CYTH4: variants seen among roughly 807,000 people sequenced by gnomAD.
The protein encoded by CYTH4 is cytohesin-4.
In CYTH4, 22 loss-of-function variants were observed where a neutral mutation model predicts 57.5. The ratio of observed to expected loss-of-function variants is 0.38; its 90% CI spans 0.27 to 0.55. The LOEUF (loss-of-function observed/expected upper bound fraction) is 0.55, where lower values mean the gene tolerates loss of function less well. CYTH4 is among the 20% of genes least tolerant of loss of function. CYTH4 has a pLI of 0.74. For synonymous variants in CYTH4, 186 were observed against 206.5 expected, an observed-to-expected ratio of 0.90 and a Z score of 0.85; for missense variants, 420 against 535.6, an observed-to-expected ratio of 0.78 and a Z score of 2.13.
At chr22:37,300,253 AG>A in intron 6 of CYTH4, 1 of 716,790 alleles carries the variant, frequency 1.4e-6, no homozygotes, top group South Asian at 1.5e-5. Context: ...TCTAACTCCC[AG>A]CTCTTTAAGG....
intron 1 of CYTH4, 125 bp downstream of exon 1, chr22:37,282,713 A>C: frequency 1.1e-6 from 1 of 873,920 alleles, no homozygotes; most frequent in Non-Finnish European, 1.7e-6. Flanking sequence ...AGCTGCAAGA[A>C]GCAAACATTT....
intron 4 of CYTH4, chr22:37,296,450 G>T (rs182352709): frequency 9.7e-5 from 21 of 217,530 alleles, no homozygotes; most frequent in Middle Eastern, 1.6e-3. Flanking sequence ...CCAGTCCTGC[G>T]GTCCCACCAC....
At chr22:37,299,355 C>A in intron 6 of CYTH4, 49 bp downstream of exon 6, 1 of 1,540,880 alleles carries the variant, frequency 6.5e-7, no homozygotes, top group Non-Finnish European at 9.0e-7. Context: ...GGCACAGCCC[C>A]AGTGGCTGGG....
In CYTH4 at chr22:37,297,555, C is replaced by A. The variant is rs751456466; in HGVS notation, c.235-9C>A. ...GCAGCTGCTCACGGCTTCTGTGTAC[C>A]CCCTCCAGGGTATCCAGTATTTCAT... On this transcript the variant is annotated splice_polypyrimidine_tract_variant and intron_variant, in intron 4 of 12. Coordinates refer to ENST00000248901, the MANE Select transcript of CYTH4 (RefSeq NM_013385.5). 6 of 1,612,158 alleles carry A rather than the reference C, an allele frequency of 3.7e-6. No individual in the cohort carries two copies. In the Admixed American group the frequency reaches 6.7e-5, roughly 18 times the overall value.
At chr22:37,293,234 C>T (rs1928815620) in intron 2 of CYTH4, among the ~76,000 whole-genome samples, 1 of 152,170 alleles carries the variant, frequency 6.6e-6, no homozygotes, top group Admixed American at 6.5e-5. Flanking sequence ...GCTGTGCCCA[C>T]CCCCACTCCC....
intron 1 of CYTH4, among the ~76,000 whole-genome samples, chr22:37,283,066 A>T (rs1928422266): frequency 6.6e-6 from 1 of 152,304 alleles, no homozygotes; most frequent in East Asian, 1.9e-4. Flanking sequence ...GTGACTTGCG[A>T]TTAAGATGAT....
Position 37,311,411 on chromosome 22 carries a change from G to A in CYTH4, c.886-45G>A, listed in dbSNP as rs374932760. Reference sequence around the variant, plus strand: ...CGTTCACACCCTGCCTTGGGCCTCAGGGTTCCGCTTCCTGACCCTGACCTT... The same window carrying A: ...CGTTCACACCCTGCCTTGGGCCTCAAGGTTCCGCTTCCTGACCCTGACCTT... On this transcript the variant is annotated intron_variant, in intron 10 of 12. Transcript: ENST00000248901. This position sits in a 1 kb window ranked among gnomAD's most constrained non-coding sequence, Gnocchi z 4.4. 190 of 1,568,568 alleles carry A rather than the reference G, an allele frequency of 1.2e-4. No individual in the cohort carries two copies. Among genetic ancestry groups the A allele is most frequent in the Non-Finnish European group, 1.4e-4 (159 of 1,139,006 alleles).
chr22:37,283,151 T>G (rs1928426802), intron 1 of CYTH4, among the ~76,000 whole-genome samples: 1 of 150,110 alleles, frequency 6.7e-6, no homozygotes, highest in Non-Finnish European at 1.5e-5. Flanking sequence ...CCCCCGGGGG[T>G]TGGGGTGGTC....
At chr22:37,305,025 A>C (rs542263867) in intron 8 of CYTH4, among the ~76,000 whole-genome samples, 2 of 152,308 alleles carry the variant, frequency 1.3e-5, no homozygotes, top group East Asian at 3.9e-4. Context: ...AAATGCCTGA[A>C]ACATTTTAAA....
chr22:37,310,391 G>A (rs1929596319), intron 9 of CYTH4, among the ~76,000 whole-genome samples: 1 of 152,208 alleles, frequency 6.6e-6, no homozygotes, highest in Non-Finnish European at 1.5e-5. Context: ...GCTGTAAGAT[G>A]GGGAGAATGA....
chr22:37,299,288 AC>A lies in CYTH4; in HGVS notation c.418del (p.Leu140SerfsTer21). 1 of 1,614,000 alleles carries A rather than the reference AC, an allele frequency of 6.2e-7. No individual in the cohort carries two copies. Among genetic ancestry groups the A allele is most frequent in the Non-Finnish European group, 8.5e-7 (1 of 1,179,984 alleles). ...FVDCHEFANL[N>X]LVQALRQFLW... ...GACTGCCACGAGTTCGCCAACCTCA[AC>A]CTCGTCCAGGCCCTCAGGTGAGTAG... On this transcript the variant is annotated frameshift_variant, in exon 6 of 13. Transcript: ENST00000248901. LOFTEE classifies it high-confidence loss of function.
intron 1 of CYTH4, among the ~76,000 whole-genome samples, chr22:37,286,705 G>A (rs1928573687): frequency 6.6e-6 from 1 of 152,144 alleles, no homozygotes; most frequent in African/African-American, 2.4e-5. Context: ...GAAGGCTAGA[G>A]CTCAGGGGAG....
chr22:37,285,384 T>C (rs904397002), intron 1 of CYTH4, among the ~76,000 whole-genome samples: 21 of 152,184 alleles, frequency 1.4e-4, no homozygotes, highest in African/African-American at 4.8e-4. Flanking sequence ...AATTTTATTA[T>C]TTGTGTGTAT....
rs1402934402 is a variant in CYTH4 at position 37,300,910 on chromosome 22, G to A, written c.438G>A (p.Gln146=). 2.7e-5 allele frequency: 44 copies of A among 1,614,030 alleles called. No homozygotes were observed. Among genetic ancestry groups the A allele is most frequent in the Non-Finnish European group, 3.7e-5 (44 of 1,179,930 alleles). ...ANLNLVQALR[Q]FLWSFRLPGE... ...CGTGGCCCCGTTTCTCCCCCAGGCA[G>A]TTCCTGTGGAGCTTCCGGCTGCCGG... Residue 146 remains glutamine (Q), a synonymous_variant, in exon 7 of 13, where the codon CAG becomes CAA. Coordinates refer to ENST00000248901, the MANE Select transcript of CYTH4 (RefSeq NM_013385.5).
At chr22:37,294,003 G>A (rs1209996230) in intron 2 of CYTH4, among the ~76,000 whole-genome samples, 2 of 151,500 alleles carry the variant, frequency 1.3e-5, no homozygotes, top group African/African-American at 2.4e-5. Flanking sequence ...GGCACATAGC[G>A]GGCACTTAGT....
At chr22:37,284,984 G>C (rs1928498279) in intron 1 of CYTH4, among the ~76,000 whole-genome samples, 1 of 152,100 alleles carries the variant, frequency 6.6e-6, no homozygotes, top group Non-Finnish European at 1.5e-5. Flanking sequence ...ACTCCGCAGA[G>C]CCTGTGGGGC....
intron 7 of CYTH4, 28 bp downstream of exon 7, chr22:37,301,047 C>G: frequency 1.3e-6 from 2 of 1,587,036 alleles, no homozygotes; most frequent in Non-Finnish European, 1.7e-6. Flanking sequence ...GGACCCAGGG[C>G]TCCGGGACCC....
chr22:37,311,961 C>T lies in CYTH4; in HGVS notation c.958-59C>T. The stretch of plus-strand genomic sequence containing the variant: ...CTAGCGTCTGGGCTTCTCTGAGCCT[C>T]CTGGAGGGCCCACCCAGCCTCCCTC... On this transcript the variant is annotated intron_variant, in intron 11 of 12. Transcript: ENST00000248901. This position sits in a 1 kb window ranked among gnomAD's most constrained non-coding sequence, Gnocchi z 4.4. 6.3e-7 allele frequency: 1 copy of T among 1,585,922 alleles called. No homozygotes were observed. The highest frequency in any genetic ancestry group is 8.6e-7 in the Non-Finnish European group (1 of 1,163,118).
rs1928859009 is a variant in CYTH4 at position 37,294,211 on chromosome 22, C to CA, written c.103-449_103-448insA. On this transcript the variant is annotated intron_variant, in intron 2 of 12. Transcript: ENST00000248901. ...GGGAGGTGGGCAGGGTGGAGGCGGG[C>CA]GGGGGGTGCAGGCAGGGTGGAGGTG... Among the ~76,000 whole-genome samples the CA allele has an allele frequency of 2.0e-4, 8 of 39,748 alleles. No individual in the cohort carries two copies. The South Asian group carries it at 7.7e-3, about 38-fold the overall frequency. The allele number at this position is 39,748 out of a possible 152,430, so 26.1% of individuals were successfully genotyped here. A position where few individuals can be genotyped will look rare whatever the true frequency, so the allele number is the denominator to read the frequency against.
Sources: allele counts gnomAD v4.1 joint callset (sites outside exome capture counted in the v4.1 genomes callset), GRCh38; gene constraint gnomAD v4.1.1; non-coding constraint Gnocchi (gnomAD v3.1); transcripts MANE v1.5; gene names NCBI Gene and HGNC (gene_info 2026-07-23, HGNC 2026-07-21).